The following ASB18 variants were observed in gnomAD, a reference collection of about 807,000 sequenced individuals.
The protein encoded by ASB18 is ankyrin repeat and SOCS box protein 18.
A neutral mutation model predicts 33.4 loss-of-function variants in ASB18; 33 were observed. The ratio of observed to expected loss-of-function variants is 0.99; its 90% confidence interval spans 0.75 to 1.32. The LOEUF (loss-of-function observed/expected upper bound fraction) is 1.32, where lower values mean the gene tolerates loss of function less well. ASB18 is among the 40% of genes most tolerant of loss of function. The pLI, the probability that ASB18 is intolerant of heterozygous loss-of-function variation, is 0.00. For synonymous variants in ASB18, 295 were observed against 307.6 expected (o/e 0.96, Z 0.43); for missense variants, 694 against 655.5 (o/e 1.06, Z -0.64).
Position 236,262,319 on chromosome 2 carries a change from G to A in ASB18, c.205+1822C>T, listed in dbSNP as rs991475583. Among the ~76,000 whole-genome samples, 8 of 152,344 alleles carry A rather than the reference G, an allele frequency of 5.3e-5. No individual in the cohort carries two copies. In the East Asian group the frequency reaches 7.7e-4, roughly 15 times the overall value. ...GCTCAGGGCATGCTGAAGGCAGGCC[G>A]GGTTACAGGGGCTACAGGAGACCAC... On this transcript the variant is annotated intron_variant, in intron 1 of 5. Coordinates refer to ENST00000409749, the MANE Select transcript of ASB18 (RefSeq NM_212556.4). This position sits in a 1 kb window ranked among gnomAD's most constrained non-coding sequence, Gnocchi z 5.2.
At position 236,216,227 on chromosome 2, in the gene ASB18, G is replaced by A. The variant is rs927581635; in HGVS notation, c.597-1361C>T. ...GTTAACTGATATCTTTCAGTGTTAA[G>A]GCCACCTCCTCATGCCTTGCTCTCC... is the stretch of plus-strand genomic sequence containing the variant. On this transcript the variant is annotated intron_variant, in intron 3 of 5. Transcript: ENST00000409749. The surrounding 1 kb of genome is among the most constrained non-coding windows in gnomAD (Gnocchi z 6.1). Among the ~76,000 whole-genome samples, 1 of 152,176 alleles carries A rather than the reference G, an allele frequency of 6.6e-6. No individual in the cohort carries two copies. The highest frequency in any genetic ancestry group is 6.5e-5 in the Admixed American group (1 of 15,282).
rs2060519252 is a variant in ASB18, at chr2:236,222,944, C to T, written c.597-8078G>A. On this transcript the variant is annotated intron_variant, in intron 3 of 5. Coordinates refer to ENST00000409749, the MANE Select transcript of ASB18 (RefSeq NM_212556.4). This position sits in a 1 kb window ranked among gnomAD's most constrained non-coding sequence, Gnocchi z 5.5. ...CTGAAGCAGGAGACTCACTTGAGCC[C>T]TGGAGGTGGAGGTTGCAGTGAGCTG... 6.6e-6 allele frequency among the ~76,000 whole-genome samples: 1 copy of T among 152,176 alleles called. No individual in the cohort carries two copies. Among genetic ancestry groups the T allele is most frequent in the South Asian group, 2.1e-4 (1 of 4,818 alleles).
At chr2:236,232,281 TAGAA>T (rs1437370851) in intron 3 of ASB18, among the ~76,000 whole-genome samples, 1 of 149,738 alleles carries the variant, frequency 6.7e-6, no homozygotes, top group Non-Finnish European at 1.5e-5. Context: ...AAAAGAAAAT[TAGAA>T]AGTATTTAAA....
rs1469367933 is a variant in ASB18, at chr2:236,214,506, C to G, written c.957G>C (p.Ala319=). 1 of 1,477,096 alleles carries G rather than the reference C, an allele frequency of 6.8e-7. No homozygotes were observed. Among genetic ancestry groups the G allele is most frequent in the Non-Finnish European group, 8.9e-7 (1 of 1,125,064 alleles). 91.5% of individuals were successfully genotyped at this position (1,477,096 alleles called of 1,614,324 possible). The change falls in exon 4 of 6, where the codon GCG becomes GCC. Residue 319 remains alanine (A), a synonymous_variant. Transcript: ENST00000409749. The surrounding 1 kb of genome is among the most constrained non-coding windows in gnomAD (Gnocchi z 6.5). ...AGGCCCCGCCATAGTCGAGCGCGCC[C>G]GCGTCGGCGCCGTGCCGCAGTAGGA... ...ARLLLRHGAD[A]GALDYGGASP...
In ASB18 at chr2:236,255,719, A is replaced by C. The variant is rs896622501; in HGVS notation, c.205+8422T>G. On this transcript the variant is annotated intron_variant, in intron 1 of 5. Transcript: ENST00000409749. This position sits in a 1 kb window ranked among gnomAD's most constrained non-coding sequence, Gnocchi z 4.4. ...TGGCTCCTCATGGCTTTTCCAAGTAAGTGTAAACACCTGTGCCTAGAATGT... is the reference window on the plus strand; with the variant it reads ...TGGCTCCTCATGGCTTTTCCAAGTACGTGTAAACACCTGTGCCTAGAATGT... Among the ~76,000 whole-genome samples the C allele has an allele frequency of 2.0e-5, 3 of 152,176 alleles. No homozygotes were observed. The highest frequency in any genetic ancestry group is 4.4e-5 in the Non-Finnish European group (3 of 68,034).
In ASB18 at chr2:236,237,348, C is replaced by CCGGGGCG. The variant is rs1315172459; in HGVS notation, c.596+334_596+340dup. Among the ~76,000 whole-genome samples, 2 of 83,316 alleles carry CCGGGGCG rather than the reference C, an allele frequency of 2.4e-5. No homozygotes were observed. The highest frequency in any genetic ancestry group is 1.4e-4 in the Admixed American group (1 of 7,040). 54.7% of individuals were successfully genotyped at this position (83,316 alleles called of 152,430 possible). A position where few individuals can be genotyped will look rare whatever the true frequency, so the allele number is the denominator to read the frequency against. ...CTAATTAAACCCGCGGGGGCCGGGG[C>CCGGGGCG]CGGGGCGCGGGGCGGGGGCCGGGGC... On this transcript the variant is annotated intron_variant, in intron 3 of 5. Coordinates refer to ENST00000409749, the MANE Select transcript of ASB18 (RefSeq NM_212556.4). This position sits in a 1 kb window ranked among gnomAD's most constrained non-coding sequence, Gnocchi z 6.2.
Position 236,250,448 on chromosome 2 carries a change from CAG to C in ASB18, c.206-9048_206-9047del, listed in dbSNP as rs2060663624. ...TTCTGGAAGTGTCCAAGTGGACAGA[CAG>C]GGGCAGGAAGTCATTACTCTTGTGG... On this transcript the variant is annotated intron_variant, in intron 1 of 5. Transcript: ENST00000409749. This position sits in a 1 kb window ranked among gnomAD's most constrained non-coding sequence, Gnocchi z 4.1. The C allele has an allele frequency of 6.6e-6, 1 of 152,270 alleles. No homozygotes were observed. The highest frequency in any genetic ancestry group is 2.4e-5 in the African/African-American group (1 of 41,470). 9.4% of individuals were successfully genotyped at this position (152,270 alleles called of 1,614,324 possible). A position where few individuals can be genotyped will look rare whatever the true frequency, so the allele number is the denominator to read the frequency against.
chr2:236,201,246 G>A (rs1484135158), intron 4 of ASB18, among the ~76,000 whole-genome samples: 1 of 152,052 alleles, frequency 6.6e-6, no homozygotes, highest in Non-Finnish European at 1.5e-5. Flanking sequence ...TGACCTCCTG[G>A]ACTGAAGCGA....
chr2:236,214,526 G>C lies in ASB18; in HGVS notation c.937C>G (p.Leu313Val). Residue 313 changes from leucine to valine, a missense_variant, in exon 4 of 6, where the codon CTG (leucine) becomes GTG (valine). By Grantham distance (32) the Leu-to-Val change is conservative (BLOSUM62 1). Transcript: ENST00000409749. The surrounding 1 kb of genome is among the most constrained non-coding windows in gnomAD (Gnocchi z 6.5). Reference protein sequence around the residue: ...HASHSLARLLLRHGADAGALD... With the variant: ...HASHSLARLLVRHGADAGALD... ...GCGCCCGCGTCGGCGCCGTGCCGCA[G>C]TAGGAGGCGCGCCAGGCTGTGGCTC... The C allele has an allele frequency of 2.1e-6, 3 of 1,443,008 alleles. No individual in the cohort carries two copies. Among genetic ancestry groups the C allele is most frequent in the African/African-American group, 1.5e-5 (1 of 66,480 alleles). The allele number at this position is 1,443,008 out of a possible 1,614,324, so 89.4% of individuals were successfully genotyped here.
At position 236,237,666 on chromosome 2, in the gene ASB18, CG is replaced by C; in HGVS notation, c.596+22del. On this transcript the variant is annotated intron_variant, in intron 3 of 5. Transcript: ENST00000409749. This position sits in a 1 kb window ranked among gnomAD's most constrained non-coding sequence, Gnocchi z 6.2. ...TGGTCTCGGGGCGGGGCGGACGCCG[CG>C]GGCCTGTCCCGAGGTCCTTACCCGA... 1 of 1,387,074 alleles carries C rather than the reference CG, an allele frequency of 7.2e-7. No individual in the cohort carries two copies. The highest frequency in any genetic ancestry group is 1.6e-5 in the South Asian group (1 of 63,780). The allele number at this position is 1,387,074 out of a possible 1,614,324, so 85.9% of individuals were successfully genotyped here. A position where few individuals can be genotyped will look rare whatever the true frequency, so the allele number is the denominator to read the frequency against.
At chr2:236,254,350 C>T (rs1001489587) in intron 1 of ASB18, among the ~76,000 whole-genome samples, 23 of 152,022 alleles carry the variant, frequency 1.5e-4, no homozygotes, top group Admixed American at 6.5e-4. Context: ...GGAATCTGCT[C>T]TCTATTCTCA....
rs1456601257 is a variant in ASB18 at position 236,229,386 on chromosome 2, C to T, written c.596+8303G>A. 2.0e-5 allele frequency among the ~76,000 whole-genome samples: 3 copies of T among 152,150 alleles called. No homozygotes were observed. Among genetic ancestry groups the T allele is most frequent in the African/African-American group, 7.2e-5 (3 of 41,528 alleles). ...GAGCATCAGTGAACTGTGGAACAAT[C>T]TTAAGTGGCATAGTATATGTATAAT... On this transcript the variant is annotated intron_variant, in intron 3 of 5. Coordinates refer to ENST00000409749, the MANE Select transcript of ASB18 (RefSeq NM_212556.4). The surrounding 1 kb of genome is among the most constrained non-coding windows in gnomAD (Gnocchi z 5.2).
Position 236,241,226 on chromosome 2 carries a change from G to C in ASB18, c.328+54C>G. 2 of 1,583,526 alleles carry C rather than the reference G, an allele frequency of 1.3e-6. No homozygotes were observed. On this transcript the variant is annotated intron_variant, in intron 2 of 5. Transcript: ENST00000409749. The surrounding 1 kb of genome is among the most constrained non-coding windows in gnomAD (Gnocchi z 4.2). The stretch of plus-strand genomic sequence containing the variant: ...CACACGGGAGCCTTACACTCCCAGA[G>C]AGTATTAGTAGCCCCTTAAAAATAA...
At position 236,221,310 on chromosome 2, in the gene ASB18, GA is replaced by G. The variant is rs1471054842; in HGVS notation, c.597-6445del. Among the ~76,000 whole-genome samples the G allele has an allele frequency of 6.6e-6, 1 of 152,210 alleles. No individual in the cohort carries two copies. The highest frequency in any genetic ancestry group is 1.5e-5 in the Non-Finnish European group (1 of 68,048). ...ACGTCACCTTTTGTGTGTGAGTGGGGAAAGGGACATTGCTTCTGAACATTTT... is the reference window on the plus strand; with the variant it reads ...ACGTCACCTTTTGTGTGTGAGTGGGGAAGGGACATTGCTTCTGAACATTTT... On this transcript the variant is annotated intron_variant, in intron 3 of 5. Coordinates refer to ENST00000409749, the MANE Select transcript of ASB18 (RefSeq NM_212556.4). This position sits in a 1 kb window ranked among gnomAD's most constrained non-coding sequence, Gnocchi z 5.6.
chr2:236,242,659 T>C (rs2060626449), intron 1 of ASB18, among the ~76,000 whole-genome samples: 1 of 151,912 alleles, frequency 6.6e-6, no homozygotes, highest in South Asian at 2.1e-4. Flanking sequence ...AGAGATGGGC[T>C]TTCACCTTGT....
Position 236,205,952 on chromosome 2 carries a change from A to T in ASB18, c.1101+8410T>A, listed in dbSNP as rs1476549392. Reference sequence around the variant, plus strand: ...TTGCCAGATTTTTCCATGTCTTTTTAGAACATTTTTGTTAGAATGTATATA... The same window carrying T: ...TTGCCAGATTTTTCCATGTCTTTTTTGAACATTTTTGTTAGAATGTATATA... On this transcript the variant is annotated intron_variant, in intron 4 of 5. Transcript: ENST00000409749. The surrounding 1 kb of genome is among the most constrained non-coding windows in gnomAD (Gnocchi z 5.4). Among the ~76,000 whole-genome samples, 1 of 152,186 alleles carries T rather than the reference A, an allele frequency of 6.6e-6. No homozygotes were observed. Among genetic ancestry groups the T allele is most frequent in the Non-Finnish European group, 1.5e-5 (1 of 68,028 alleles).
Position 236,235,114 on chromosome 2 carries a change from T to C in ASB18, c.596+2575A>G, listed in dbSNP as rs2060582318. On this transcript the variant is annotated intron_variant, in intron 3 of 5. Coordinates refer to ENST00000409749, the MANE Select transcript of ASB18 (RefSeq NM_212556.4). The surrounding 1 kb of genome is among the most constrained non-coding windows in gnomAD (Gnocchi z 6.2). The stretch of plus-strand genomic sequence containing the variant: ...TTAAATAAGAAAACCAACCCAATTT[T>C]AAAAATGGGCAAAAGATTTGAACTG... 6.6e-6 allele frequency among the ~76,000 whole-genome samples: 1 copy of C among 152,186 alleles called. No individual in the cohort carries two copies. The highest frequency in any genetic ancestry group is 1.9e-4 in the East Asian group (1 of 5,204).
chr2:236,212,520 T>TC (rs1467413154), intron 4 of ASB18, among the ~76,000 whole-genome samples: 10 of 152,238 alleles, frequency 6.6e-5, no homozygotes, highest in African/African-American at 2.2e-4. Context: ...CCTTTTTTTT[T>TC]CTTTAAAATA....
At chr2:236,224,538 G>A (rs1253219514) in intron 3 of ASB18, among the ~76,000 whole-genome samples, 11 of 150,798 alleles carry the variant, frequency 7.3e-5, no homozygotes, top group Non-Finnish European at 3.0e-5. Flanking sequence ...GCTACTTCCT[G>A]ATTACAGACA....
Sources: gnomAD v4.1 joint callset for allele counts (sites outside exome capture counted in the v4.1 genomes callset) on GRCh38, gnomAD v4.1.1 for gene constraint, Gnocchi (gnomAD v3.1) non-coding constraint, MANE v1.5 for transcripts, NCBI Gene and HGNC (gene_info 2026-07-23, HGNC 2026-07-21) for gene names.